Variants in TRIOBP observed in about 807,000 individuals in gnomAD.
TRIOBP encodes TRIO and F-actin-binding protein.
In TRIOBP, 169 loss-of-function variants were observed where a neutral mutation model predicts 238.8. The observed-to-expected ratio is 0.71, with a 90% CI of 0.62 to 0.80. The LOEUF (loss-of-function observed/expected upper bound fraction) is 0.80. TRIOBP is among the 30% of genes least tolerant of loss of function. The pLI is 0.00. For synonymous variants in TRIOBP, 1,150 were observed against 1,274.4 expected, an observed-to-expected ratio of 0.90 and a Z score of 2.08; for missense variants, 2,838 against 3,122.6, an observed-to-expected ratio of 0.91 and a Z score of 2.17.
At chr22:37,715,997 C>T in intron 6 of TRIOBP, 63 bp downstream of exon 6, 2 of 1,588,624 alleles carry the variant, frequency 1.3e-6, no homozygotes, top group Admixed American at 1.7e-5. Flanking sequence ...ATAGCCATCT[C>T]ACTGGCCATT....
At position 37,725,479 on chromosome 22, in the gene TRIOBP, C is replaced by T. The variant is rs200221979; in HGVS notation, c.2923C>T (p.Arg975Trp). 2.4e-5 allele frequency: 39 copies of T among 1,613,484 alleles called. No individual in the cohort carries two copies. Among genetic ancestry groups the T allele is most frequent in the East Asian group, 1.8e-4 (8 of 44,874 alleles). ...CCCCACCCAGTACAACTTGCCATCC[C>T]GGGCCACCTCTTCCTCCCATAACCC... ...FGPTQYNLPSRATSSSHNPGH... is the reference protein window; with the variant it reads ...FGPTQYNLPSWATSSSHNPGH... Residue 975 changes from arginine (R) to tryptophan (W), a missense_variant, in exon 7 of 24, where the codon CGG becomes TGG. Around this residue, in one of 5 missense-constraint regions of TRIOBP, gnomAD observed 2,096 missense variants for 2,137.4 expected, o/e 0.98. Coordinates refer to ENST00000644935, the MANE Select transcript of TRIOBP (RefSeq NM_001039141.3).
At chr22:37,739,722 G>A (rs886731935) in intron 10 of TRIOBP, among the ~76,000 whole-genome samples, 6 of 152,194 alleles carry the variant, frequency 3.9e-5, no homozygotes, top group African/African-American at 1.4e-4. Context: ...AATGGGCGGG[G>A]ACAGGGGACA....
At position 37,725,555 on chromosome 22, in the gene TRIOBP, A is replaced by G. The variant is rs1336853442; in HGVS notation, c.2999A>G (p.Tyr1000Cys). 2.5e-6 allele frequency: 4 copies of G among 1,613,530 alleles called. No individual in the cohort carries two copies. Among genetic ancestry groups the G allele is most frequent in the South Asian group, 1.1e-5 (1 of 91,064 alleles). The change falls in exon 7 of 24, where the codon TAT (tyrosine) becomes TGT (cysteine). Residue 1000 changes from tyrosine to cysteine, a missense_variant. This residue lies in a region of TRIOBP where 2,096 missense variants were observed against 2,137.4 expected (regional missense o/e 0.98). Transcript: ENST00000644935. ...TCCTCACCTGTGTACCCCGCTGCCT[A>G]TGGGGCTCCCCTGACCTCTCCTGAG... ...RTSSPVYPAAYGAPLTSPEPS... is the reference protein window; with the variant it reads ...RTSSPVYPAACGAPLTSPEPS...
chr22:37,772,625 T>C lies in TRIOBP; in HGVS notation c.6961T>C (p.Tyr2321His), dbSNP rs727503530. ...QKDKRFTSGKYQDVYVELSHI... is the reference protein window; with the variant it reads ...QKDKRFTSGKHQDVYVELSHI... ...GGACAAGCGCTTCACCTCGGGAAAG[T>C]ACCAGGACGTCTATGTGGAGCTGAG... The change falls in exon 23 of 24, where the codon TAC (tyrosine) becomes CAC (histidine). Residue 2321 changes from tyrosine (Y) to histidine (H), a missense_variant. Around this residue, in one of 5 missense-constraint regions of TRIOBP, gnomAD observed 2,096 missense variants for 2,137.4 expected, o/e 0.98. Coordinates refer to ENST00000644935, the MANE Select transcript of TRIOBP (RefSeq NM_001039141.3). 25 of 1,613,954 alleles carry C rather than the reference T, an allele frequency of 1.5e-5. 1 individual carries two copies. In the Admixed American group the frequency reaches 3.0e-4, roughly 19 times the overall value.
intron 10 of TRIOBP, among the ~76,000 whole-genome samples, chr22:37,739,047 T>C (rs1924814512): frequency 6.6e-6 from 1 of 152,002 alleles, no homozygotes; most frequent in Non-Finnish European, 1.5e-5. Flanking sequence ...CCTTCCGGTT[T>C]GAAAGGGCCA....
intron 4 of TRIOBP, among the ~76,000 whole-genome samples, chr22:37,711,060 G>A (rs1415184574): frequency 1.3e-5 from 2 of 152,192 alleles, no homozygotes; most frequent in Non-Finnish European, 2.9e-5. Flanking sequence ...GGCCTGAGTG[G>A]CAGTCCCCCT....
intron 10 of TRIOBP, among the ~76,000 whole-genome samples, chr22:37,739,494 C>T (rs1370878508): frequency 6.6e-6 from 1 of 152,198 alleles, no homozygotes; most frequent in Non-Finnish European, 1.5e-5. Context: ...CCCAAACCCT[C>T]ACTGTGCAGA....
In TRIOBP at chr22:37,755,086, G is replaced by C; in HGVS notation, c.5488-15G>C. On this transcript the variant is annotated splice_polypyrimidine_tract_variant and intron_variant, in intron 13 of 23. Transcript: ENST00000644935. ...CCAGGGCCCACACGGACCATAGTGG[G>C]CCCTCTTGCTCCAGGCAGATGAGCT... 1 of 1,612,212 alleles carries C rather than the reference G, an allele frequency of 6.2e-7. No homozygotes were observed. Among genetic ancestry groups the C allele is most frequent in the African/African-American group, 1.3e-5 (1 of 74,810 alleles).
intron 11 of TRIOBP, chr22:37,751,028 G>A (rs1202413716): frequency 1.0e-5 from 4 of 381,680 alleles, no homozygotes; most frequent in Admixed American, 3.4e-5. Flanking sequence ...CAGCAGGAAG[G>A]GAGGGTCTGG....
In TRIOBP at chr22:37,735,234, G is replaced by C; in HGVS notation, c.4898G>C (p.Trp1633Ser). 1 of 1,605,088 alleles carries C rather than the reference G, an allele frequency of 6.2e-7. No individual in the cohort carries two copies. Among genetic ancestry groups the C allele is most frequent in the South Asian group, 1.1e-5 (1 of 90,890 alleles). Residue 1633 changes from tryptophan (W) to serine (S), a missense_variant, in exon 9 of 24, where the codon TGG becomes TCG. Physicochemically the swap from Trp to Ser is radical, Grantham distance 177 (BLOSUM62 -3). Around this residue, in one of 5 missense-constraint regions of TRIOBP, gnomAD observed 2,096 missense variants for 2,137.4 expected, o/e 0.98. Transcript: ENST00000644935. Reference protein sequence around the residue: ...EQESHSQPEGWAEATPVNGHS... With the variant: ...EQESHSQPEGSAEATPVNGHS... ...GAGTCACACAGCCAGCCAGAAGGCT[G>C]GGCCGAGGCCACCCCAGTCAATGGA...
At position 37,725,279 on chromosome 22, in the gene TRIOBP, C is replaced by T. The variant is rs780015335; in HGVS notation, c.2723C>T (p.Ser908Leu). 17 of 1,613,880 alleles carry T rather than the reference C, an allele frequency of 1.1e-5. No individual in the cohort carries two copies. Among genetic ancestry groups the T allele is most frequent in the Non-Finnish European group, 1.4e-5 (16 of 1,180,034 alleles). ...HRTNKDIPWA[S>L]FPLRPTQSDG... is the part of the protein sequence containing the mutation. ...ACTAACAAAGACATCCCCTGGGCCT[C>T]GTTTCCCCTCCGGCCAACTCAGAGT... Residue 908 changes from serine to leucine, a missense_variant, in exon 7 of 24, where the codon TCG becomes TTG. Transcript: ENST00000644935.
intron 9 of TRIOBP, among the ~76,000 whole-genome samples, chr22:37,738,281 T>C (rs1383086081): frequency 6.6e-6 from 1 of 152,126 alleles, no homozygotes; most frequent in African/African-American, 2.4e-5. Flanking sequence ...GGATGAACTT[T>C]GGGTGGAATA....
intron 3 of TRIOBP, among the ~76,000 whole-genome samples, chr22:37,701,987 C>T (rs935415988): frequency 1.3e-5 from 2 of 152,036 alleles, no homozygotes; most frequent in African/African-American, 4.8e-5. Flanking sequence ...CCTGTAATCC[C>T]AGCTACTTGG....
At chr22:37,740,745 C>A in intron 10 of TRIOBP, 150 bp from the exon 11 acceptor site, 1 of 1,175,446 alleles carries the variant, frequency 8.5e-7, no homozygotes, top group Non-Finnish European at 1.2e-6. Context: ...AGTTAACCAG[C>A]TCGTCTCGGC....
chr22:37,728,617 A>G (rs1924288203), intron 7 of TRIOBP, among the ~76,000 whole-genome samples: 1 of 152,208 alleles, frequency 6.6e-6, no homozygotes, highest in Non-Finnish European at 1.5e-5. Flanking sequence ...CAGAAAGTGC[A>G]GTGTTCCATG....
chr22:37,701,549 G>GTCC, intron 3 of TRIOBP, 70 bp downstream of exon 3: 1 of 1,151,606 alleles, frequency 8.7e-7, no homozygotes, highest in South Asian at 1.3e-5. Context: ...GGCCTGTGGT[G>GTCC]TCCGCTAACT....
At chr22:37,762,657 C>G (rs1217870930) in intron 17 of TRIOBP, among the ~76,000 whole-genome samples, 1 of 151,984 alleles carries the variant, frequency 6.6e-6, no homozygotes, top group African/African-American at 2.4e-5. Flanking sequence ...AACTGGGGAG[C>G]AGAGCTGAAG....
chr22:37,745,540 C>G lies in TRIOBP; in HGVS notation c.5322+4508C>G, dbSNP rs377767212. Among the ~76,000 whole-genome samples the G allele has an allele frequency of 6.4e-3, 976 of 152,268 alleles. 11 individuals carry two copies. The highest frequency in any genetic ancestry group is 0.022 in the African/African-American group (926 of 41,522). ...CCTGAGCAACGGGTGCACGCCCACACCTGAAAAACCCCAAACCAAAAAAGA... is the reference window on the plus strand; with the variant it reads ...CCTGAGCAACGGGTGCACGCCCACAGCTGAAAAACCCCAAACCAAAAAAGA... On this transcript the variant is annotated intron_variant, in intron 11 of 23. Transcript: ENST00000644935.
chr22:37,750,686 CTG>C, intron 11 of TRIOBP: 1 of 471,160 alleles, frequency 2.1e-6, no homozygotes, highest in Non-Finnish European at 4.4e-6. Flanking sequence ...GGTCCCCCGA[CTG>C]TGGCTGTGGA....
Sources: gnomAD v4.1 joint callset for allele counts (sites outside exome capture counted in the v4.1 genomes callset) on GRCh38, gnomAD v4.1.1 for gene constraint, gnomAD v4.1.1 regional missense constraint, MANE v1.5 for transcripts, NCBI Gene and HGNC (gene_info 2026-07-23, HGNC 2026-07-21) for gene names.